Variants in STPG1 observed in about 807,000 individuals in gnomAD.
The protein encoded by STPG1 is O(6)-methylguanine-induced apoptosis 2.
A neutral mutation model predicts 40.1 loss-of-function variants in STPG1; 33 were observed. The ratio of observed to expected loss-of-function variants is 0.82; its 90% CI spans 0.62 to 1.10. The LOEUF (loss-of-function observed/expected upper bound fraction) is 1.10, where lower values mean the gene tolerates loss of function less well. Among genes scored for constraint, STPG1 ranks in the 50% least tolerant of loss-of-function variants. The pLI, the probability that STPG1 is intolerant of heterozygous loss-of-function variation, is 0.00. For missense variants in STPG1, 396 were observed against 415.1 expected (o/e 0.95, Z 0.40); for synonymous variants, 150 against 155.0 (o/e 0.97, Z 0.24).
rs899969119 is a variant in STPG1, at chr1:24,360,936, G to A, written c.843C>T (p.Arg281=). The change falls in exon 8 of 9, where the codon CGC becomes CGT. Residue 281 remains arginine, a synonymous_variant. Coordinates refer to ENST00000337248, the MANE Select transcript of STPG1 (RefSeq NM_001199013.2). ...ATGATGCACTAGAGATGAAATGCTT[G>A]CGGGGGCCTAAGTAGTCCACGATCT... ...QYEIVDYLGP[R]KHFISSASFV... 6.2e-7 allele frequency: 1 copy of A among 1,614,086 alleles called. No homozygotes were observed. Among genetic ancestry groups the A allele is most frequent in the Non-Finnish European group, 8.5e-7 (1 of 1,180,002 alleles).
chr1:24,357,850 G>T lies in STPG1; in HGVS notation c.*693C>A. The T allele has an allele frequency of 3.3e-6, 1 of 303,190 alleles. No individual in the cohort carries two copies. The highest frequency in any genetic ancestry group is 3.2e-5 in the South Asian group (1 of 30,902). 18.8% of individuals were successfully genotyped at this position (303,190 alleles called of 1,614,324 possible). A position where few individuals can be genotyped will look rare whatever the true frequency, so the allele number is the denominator to read the frequency against. On this transcript the variant is annotated 3_prime_UTR_variant, in exon 9 of 9. Coordinates refer to ENST00000337248, the MANE Select transcript of STPG1 (RefSeq NM_001199013.2). The stretch of plus-strand genomic sequence containing the variant: ...GTAAGCCTTGAGAAAATTCAGTCCC[G>T]CCAGCAGAGAAAGTCAGGGAAAAGC...
chr1:24,402,602 A>C (rs1643267443), intron 1 of STPG1, among the ~76,000 whole-genome samples: 1 of 151,948 alleles, frequency 6.6e-6, no homozygotes, highest in Non-Finnish European at 1.5e-5. Flanking sequence ...TCTCTACGAA[A>C]AATAAAAAAT....
chr1:24,365,321 C>T (rs1641385430), intron 7 of STPG1, among the ~76,000 whole-genome samples: 1 of 152,308 alleles, frequency 6.6e-6, no homozygotes, highest in East Asian at 1.9e-4. Context: ...CTGAGTGTTG[C>T]ACCTCCTTGC....
At chr1:24,372,509 G>A (rs1641801201) in intron 6 of STPG1, among the ~76,000 whole-genome samples, 1 of 152,192 alleles carries the variant, frequency 6.6e-6, no homozygotes, top group Non-Finnish European at 1.5e-5. Context: ...GGCAGACTGT[G>A]GAGGTGCCCA....
intron 3 of STPG1, among the ~76,000 whole-genome samples, chr1:24,386,135 G>A (rs1642493765): frequency 1.3e-5 from 2 of 152,210 alleles, no homozygotes; most frequent in African/African-American, 4.8e-5. Flanking sequence ...CAGATAAACT[G>A]CAGATGATGA....
At chr1:24,395,787 G>C (rs867000285) in intron 2 of STPG1, among the ~76,000 whole-genome samples, 17 of 152,104 alleles carry the variant, frequency 1.1e-4, no homozygotes, top group African/African-American at 3.6e-4. Context: ...TTACTGGCCG[G>C]GTGTGGTAGC....
At chr1:24,390,273 A>T (rs1642703932) in intron 3 of STPG1, among the ~76,000 whole-genome samples, 1 of 152,234 alleles carries the variant, frequency 6.6e-6, no homozygotes, top group African/African-American at 2.4e-5. Flanking sequence ...GAGAGGAGAA[A>T]GTCAGGTCCC....
intron 7 of STPG1, among the ~76,000 whole-genome samples, chr1:24,361,889 C>A (rs986610741): frequency 6.6e-6 from 1 of 152,292 alleles, no homozygotes; most frequent in South Asian, 2.1e-4. Flanking sequence ...GAGGTCCCTT[C>A]CTGCTGTGAC....
At chr1:24,384,263 A>G (rs993548167) in intron 3 of STPG1, among the ~76,000 whole-genome samples, 1 of 152,232 alleles carries the variant, frequency 6.6e-6, no homozygotes, top group Non-Finnish European at 1.5e-5. Context: ...GCCGCATTCC[A>G]AAAGAACACA....
chr1:24,402,343 A>G (rs1033088428), intron 1 of STPG1, among the ~76,000 whole-genome samples: 1 of 152,156 alleles, frequency 6.6e-6, no homozygotes, highest in African/African-American at 2.4e-5. Flanking sequence ...TGTTTGCTCA[A>G]TCTTGTTAAT....
chr1:24,375,212 C>T (rs899277329), intron 5 of STPG1, among the ~76,000 whole-genome samples: 2 of 152,152 alleles, frequency 1.3e-5, no homozygotes, highest in Non-Finnish European at 2.9e-5. Context: ...TGAGATCATT[C>T]TTCTGTTACA....
intron 3 of STPG1, among the ~76,000 whole-genome samples, chr1:24,388,029 T>C (rs1557450948): frequency 6.6e-6 from 1 of 152,208 alleles, no homozygotes; most frequent in Non-Finnish European, 1.5e-5. Context: ...TATGTAATGG[T>C]ATTAACATAT....
chr1:24,408,509 CTTATTT>C (rs559324437), intron 1 of STPG1, among the ~76,000 whole-genome samples: 402 of 152,286 alleles, frequency 2.6e-3, no homozygotes, highest in Admixed American at 7.2e-3. Flanking sequence ...TCTCTGAATT[CTTATTT>C]TTATCTTCTC....
intron 7 of STPG1, among the ~76,000 whole-genome samples, chr1:24,367,080 C>CG (rs1457758847): frequency 6.6e-6 from 1 of 152,166 alleles, no homozygotes; most frequent in Non-Finnish European, 1.5e-5. Flanking sequence ...AGTGGGAAGA[C>CG]GGCCCCATGG....
At chr1:24,377,108 A>AT (rs902964815) in intron 5 of STPG1, among the ~76,000 whole-genome samples, 1 of 151,390 alleles carries the variant, frequency 6.6e-6, no homozygotes, top group Admixed American at 6.6e-5. Context: ...AAAAAAAAAA[A>AT]ATACAAAAAT....
At chr1:24,363,458 C>A (rs1641254121) in intron 7 of STPG1, among the ~76,000 whole-genome samples, 1 of 152,204 alleles carries the variant, frequency 6.6e-6, no homozygotes, top group African/African-American at 2.4e-5. Flanking sequence ...GTGACAACTT[C>A]AGGCAGTACA....
At chr1:24,391,705 C>T in intron 2 of STPG1, 26 bp from the exon 3 acceptor site, 1 of 1,445,036 alleles carries the variant, frequency 6.9e-7, no homozygotes, top group Non-Finnish European at 9.5e-7. Flanking sequence ...GGAGTAAAAT[C>T]AAAATGAATA....
At chr1:24,367,593 A>T (rs1228515015) in intron 7 of STPG1, among the ~76,000 whole-genome samples, 1 of 152,126 alleles carries the variant, frequency 6.6e-6, no homozygotes, top group East Asian at 1.9e-4. Context: ...ATCTCGGCTC[A>T]CTGCAACCTC....
chr1:24,360,362 T>C (rs1641024283), intron 8 of STPG1, among the ~76,000 whole-genome samples: 2 of 152,108 alleles, frequency 1.3e-5, no homozygotes, highest in South Asian at 2.1e-4. Flanking sequence ...GGCATGAGAA[T>C]TGCCTGAACC....
Sources: gnomAD v4.1 joint callset for allele counts (sites outside exome capture counted in the v4.1 genomes callset) on GRCh38, gnomAD v4.1.1 for gene constraint, MANE v1.5 for transcripts, NCBI Gene and HGNC (gene_info 2026-07-23, HGNC 2026-07-21) for gene names.